Variants in STARD8 observed in about 807,000 individuals in gnomAD.
STARD8 encodes stAR-related lipid transfer protein 8.
A neutral mutation model predicts 69.4 loss-of-function variants in STARD8; 25 were observed. The observed-to-expected ratio is 0.36, with a 90% CI of 0.26 to 0.50. The LOEUF (loss-of-function observed/expected upper bound fraction) is 0.50. Ranked by LOEUF, STARD8 falls within the 20% of genes least tolerant of loss-of-function variation. The pLI, the probability that STARD8 is intolerant of heterozygous loss-of-function variation, is 0.96. For synonymous variants in STARD8, 389 were observed against 374.6 expected (o/e 1.04, Z -0.45); for missense variants, 921 against 932.5 (o/e 0.99, Z 0.16).
chrX:68,724,166 C>T (rs1020969951), intron 14 of STARD8, 45 bp downstream of exon 14: 1 of 1,185,268 alleles, frequency 8.4e-7, no homozygotes, highest in Non-Finnish European at 1.1e-6. Flanking sequence ...GGCCTTGACC[C>T]CCTCCCCTGC....
At position 68,652,551 on chromosome X, in the gene STARD8, T is replaced by C. The variant is rs568881526; in HGVS notation, c.45+4624T>C. Among the ~76,000 whole-genome samples, 269 of 111,219 alleles carry C rather than the reference T, an allele frequency of 2.4e-3. 2 individuals carry two copies. Among genetic ancestry groups the C allele is most frequent in the African/African-American group, 8.3e-3 (253 of 30,506 alleles). On this transcript the variant is annotated intron_variant, in intron 1 of 14. Transcript: ENST00000374599. ...TATAAATAGTCCAATACGTGTTTGC[T>C]GTGTCTTCCCCTGGAGGCCAGTCAG... is the stretch of plus-strand genomic sequence containing the variant.
chrX:68,673,957 A>G (rs1377502332), intron 2 of STARD8, among the ~76,000 whole-genome samples: 1 of 111,838 alleles, frequency 8.9e-6, no homozygotes, highest in Non-Finnish European at 1.9e-5. Context: ...CAAAATTTTC[A>G]TATTAAAACA....
chrX:68,707,635 G>T (rs2080018535), intron 2 of STARD8, among the ~76,000 whole-genome samples: 1 of 111,815 alleles, frequency 8.9e-6, no homozygotes, highest in Non-Finnish European at 1.9e-5. Flanking sequence ...AGATTTGAGA[G>T]GTGAGGGAGG....
Position 68,719,383 on chromosome X carries a change from A to G in STARD8, c.1874A>G (p.Lys625Arg), listed in dbSNP as rs764629711. ...ATGGAGAAGTACACTGTGCCCCACA[A>G]GCAGGGCTGGGTCTGGTGAGTGGCT... is the stretch of plus-strand genomic sequence containing the variant. ...AFMEKYTVPH[K>R]QGWVWSMPKF... The change falls in exon 7 of 15, where the codon AAG becomes AGG. Residue 625 changes from lysine to arginine, a missense_variant. By Grantham distance (26) the Lys-to-Arg change is conservative. Coordinates refer to ENST00000374599, the MANE Select transcript of STARD8 (RefSeq NM_001142503.3). The G allele has an allele frequency of 2.5e-6, 3 of 1,184,276 alleles. No homozygotes were observed. The highest frequency in any genetic ancestry group is 3.4e-6 in the Non-Finnish European group (3 of 880,887).
intron 1 of STARD8, among the ~76,000 whole-genome samples, chrX:68,650,567 C>T (rs950154036): frequency 6.5e-5 from 7 of 107,011 alleles, no homozygotes; most frequent in Non-Finnish European, 7.7e-5. Flanking sequence ...TTTGGGATGC[C>T]GAGGCAGGTG....
chrX:68,715,217 C>A, intron 3 of STARD8, 77 bp from the exon 4 acceptor site: 1 of 916,735 alleles, frequency 1.1e-6, no homozygotes, highest in Non-Finnish European at 1.5e-6. Context: ...CTGGCCGTTC[C>A]CTTCCAGCCC....
At chrX:68,663,105 C>G (rs1301007232) in intron 1 of STARD8, among the ~76,000 whole-genome samples, 1 of 112,092 alleles carries the variant, frequency 8.9e-6, no homozygotes, top group African/African-American at 3.2e-5. Context: ...GGTTCAGAAC[C>G]TCCAAATCAG....
chrX:68,709,257 A>T (rs1351503367), intron 2 of STARD8, among the ~76,000 whole-genome samples: 1 of 112,113 alleles, frequency 8.9e-6, no homozygotes, highest in Non-Finnish European at 1.9e-5. Context: ...CTTTGGAGCA[A>T]TTGCAGCCTC....
At chrX:68,651,625 A>G (rs967316738) in intron 1 of STARD8, among the ~76,000 whole-genome samples, 3 of 110,464 alleles carry the variant, frequency 2.7e-5, no homozygotes, top group Non-Finnish European at 5.7e-5. Flanking sequence ...TGATAGGGAA[A>G]CCGAGCCCCT....
intron 2 of STARD8, among the ~76,000 whole-genome samples, chrX:68,710,662 A>T (rs1602600074): frequency 8.9e-6 from 1 of 112,099 alleles, no homozygotes; most frequent in African/African-American, 3.2e-5. Context: ...TCCATTAGCC[A>T]TGAGTAACTG....
intron 1 of STARD8, among the ~76,000 whole-genome samples, chrX:68,651,905 G>A (rs2079549929): frequency 9.4e-6 from 1 of 106,063 alleles, no homozygotes; most frequent in East Asian, 2.9e-4. Flanking sequence ...GCCCAGGCTG[G>A]AGTGCAGTGT....
intron 2 of STARD8, among the ~76,000 whole-genome samples, chrX:68,710,609 C>T (rs73529882): frequency 0.094 from 10,456 of 111,730 alleles, 1,229 homozygotes; most frequent in African/African-American, 0.32. Flanking sequence ...CCAGCTAGGG[C>T]CAATGCCTAG....
intron 2 of STARD8, among the ~76,000 whole-genome samples, chrX:68,707,499 G>A (rs2080017134): frequency 9.0e-6 from 1 of 111,682 alleles, no homozygotes; most frequent in Admixed American, 9.5e-5. Flanking sequence ...CTGTACTTTA[G>A]AAGAACCGGG....
At chrX:68,709,527 G>T (rs1265181874) in intron 2 of STARD8, among the ~76,000 whole-genome samples, 3 of 111,854 alleles carry the variant, frequency 2.7e-5, no homozygotes, top group Non-Finnish European at 5.6e-5. Context: ...GTGGATGCTG[G>T]CTGGGTGTGG....
chrX:68,695,301 G>A (rs963305338), intron 2 of STARD8, among the ~76,000 whole-genome samples: 1 of 110,958 alleles, frequency 9.0e-6, no homozygotes, highest in African/African-American at 3.3e-5. Context: ...ATAGGGGTCG[G>A]TAGTGAAACT....
chrX:68,681,284 C>T (rs769686080), intron 2 of STARD8, among the ~76,000 whole-genome samples: 1 of 111,850 alleles, frequency 8.9e-6, no homozygotes, highest in Admixed American at 9.5e-5. Flanking sequence ...AGAAGTAGCA[C>T]TCCCACTGTG....
At chrX:68,658,291 A>G (rs2079623187) in intron 1 of STARD8, among the ~76,000 whole-genome samples, 1 of 112,276 alleles carries the variant, frequency 8.9e-6, no homozygotes, top group Non-Finnish European at 1.9e-5. Context: ...ACTGAAACAC[A>G]GAAAGGTTTA....
At chrX:68,650,281 C>A (rs116528114) in intron 1 of STARD8, among the ~76,000 whole-genome samples, 1 of 108,115 alleles carries the variant, frequency 9.2e-6, no homozygotes, top group Non-Finnish European at 1.9e-5. Context: ...TTGCTGGGCA[C>A]GGTGATGCAT....
intron 6 of STARD8, 131 bp from the exon 7 acceptor site, chrX:68,719,094 C>T (rs1253572513): frequency 5.9e-6 from 5 of 843,631 alleles, no homozygotes; most frequent in Non-Finnish European, 1.6e-6. Flanking sequence ...AGCAGCAGCA[C>T]TAGAAAGTGT....
Sources: allele counts gnomAD v4.1 joint callset (sites outside exome capture counted in the v4.1 genomes callset), GRCh38; gene constraint gnomAD v4.1.1; transcripts MANE v1.5; gene names NCBI Gene and HGNC (gene_info 2026-07-23, HGNC 2026-07-21).